The following WDFY2 variants were observed in gnomAD, a reference collection of about 807,000 sequenced individuals.
The protein encoded by WDFY2 is WD repeat and FYVE domain-containing protein 2.
Under a neutral mutation model 56.4 loss-of-function variants are expected in WDFY2, and 36 were observed. The observed-to-expected ratio is 0.64, with a 90% CI of 0.49 to 0.84. WDFY2 has a LOEUF of 0.84. WDFY2 is among the 40% of genes least tolerant of loss of function. The pLI, the probability that WDFY2 is intolerant of heterozygous loss-of-function variation, is 0.00. For missense variants in WDFY2, 444 were observed against 512.2 expected, an observed-to-expected ratio of 0.87 and a Z score of 1.29; for synonymous variants, 176 against 183.7, an observed-to-expected ratio of 0.96 and a Z score of 0.34.
chr13:51,659,515 C>G (rs1382307380), intron 1 of WDFY2, among the ~76,000 whole-genome samples: 1 of 152,140 alleles, frequency 6.6e-6, no homozygotes, highest in Non-Finnish European at 1.5e-5. Context: ...ACCTTTCAAC[C>G]TCCTACTTGT....
At chr13:51,641,202 AGCTG>A (rs1955148555) in intron 1 of WDFY2, among the ~76,000 whole-genome samples, 1 of 151,858 alleles carries the variant, frequency 6.6e-6, no homozygotes, top group Non-Finnish European at 1.5e-5. Flanking sequence ...CCTCCCGAGT[AGCTG>A]GGATTATAGG....
intron 6 of WDFY2, among the ~76,000 whole-genome samples, chr13:51,738,213 A>G (rs1239841074): frequency 6.6e-6 from 1 of 152,210 alleles, no homozygotes; most frequent in East Asian, 1.9e-4. Context: ...AAGTGTTTGC[A>G]GGCTTTGTGC....
chr13:51,736,272 T>G (rs1459746169), intron 6 of WDFY2, among the ~76,000 whole-genome samples: 3 of 152,202 alleles, frequency 2.0e-5, no homozygotes. Context: ...ATCATCCCTG[T>G]TTTACAGATG....
At chr13:51,720,960 C>CTG (rs1438112843) in intron 5 of WDFY2, among the ~76,000 whole-genome samples, 4 of 151,268 alleles carry the variant, frequency 2.6e-5, no homozygotes, top group African/African-American at 9.8e-5. Context: ...CTCTCTCTCT[C>CTG]TCTCTCTCTC....
intron 2 of WDFY2, among the ~76,000 whole-genome samples, chr13:51,665,341 G>A (rs1406172966): frequency 6.6e-6 from 1 of 152,154 alleles, no homozygotes; most frequent in Non-Finnish European, 1.5e-5. Context: ...GACCTTGCAT[G>A]AGCTTGTAAA....
At chr13:51,685,726 G>A (rs1593411235) in intron 3 of WDFY2, among the ~76,000 whole-genome samples, 4 of 152,106 alleles carry the variant, frequency 2.6e-5, no homozygotes, top group Admixed American at 2.0e-4. Flanking sequence ...GATCTGTGCA[G>A]TTCAAATCCA....
chr13:51,608,111 C>T (rs767137341), intron 1 of WDFY2, among the ~76,000 whole-genome samples: 96 of 152,338 alleles, frequency 6.3e-4, no homozygotes, highest in Non-Finnish European at 1.1e-3. Flanking sequence ...AGCCCCTTAA[C>T]ACTCACTTTG....
chr13:51,726,322 A>C (rs1952604560), intron 5 of WDFY2, among the ~76,000 whole-genome samples: 1 of 152,190 alleles, frequency 6.6e-6, no homozygotes, highest in Non-Finnish European at 1.5e-5. Flanking sequence ...GTGTGGATGT[A>C]GCATAGTTAA....
chr13:51,700,967 C>CA (rs1470123122), intron 3 of WDFY2, among the ~76,000 whole-genome samples: 1 of 151,194 alleles, frequency 6.6e-6, no homozygotes, highest in Non-Finnish European at 1.5e-5. Flanking sequence ...AGCTCTGTCT[C>CA]AAAAAAAAGA....
intron 7 of WDFY2, among the ~76,000 whole-genome samples, chr13:51,747,044 G>A (rs1479620875): frequency 2.0e-5 from 3 of 152,234 alleles, no homozygotes; most frequent in Admixed American, 2.0e-4. Context: ...CAAAGAGTCT[G>A]TTCTTTGAAA....
In WDFY2 at chr13:51,739,652, C is replaced by T. The variant is rs114200034; in HGVS notation, c.725+477C>T. Among the ~76,000 whole-genome samples the T allele has an allele frequency of 1.2e-3, 189 of 152,310 alleles. 1 individual carries two copies. The highest frequency in any genetic ancestry group is 4.2e-3 in the African/African-American group (175 of 41,578). ...ATTGAGTACTTGCCTTGATTCATGT[C>T]AGGCTCTTTTTCCTTAAAGGATAGA... On this transcript the variant is annotated intron_variant, in intron 7 of 11. Transcript: ENST00000298125.
chr13:51,693,454 C>G (rs1951791005), intron 3 of WDFY2, among the ~76,000 whole-genome samples: 1 of 152,028 alleles, frequency 6.6e-6, no homozygotes, highest in Non-Finnish European at 1.5e-5. Context: ...AGTAGTCATT[C>G]AGGAGCAGGT....
At chr13:51,671,168 A>G (rs1299180224) in intron 2 of WDFY2, among the ~76,000 whole-genome samples, 3 of 152,060 alleles carry the variant, frequency 2.0e-5, no homozygotes, top group Non-Finnish European at 4.4e-5. Flanking sequence ...TTGTGCTGCT[A>G]TAAACATGCG....
At chr13:51,709,572 A>T (rs1390400085) in intron 4 of WDFY2, among the ~76,000 whole-genome samples, 1 of 152,202 alleles carries the variant, frequency 6.6e-6, no homozygotes, top group African/African-American at 2.4e-5. Context: ...AGAAGAATCA[A>T]ATAGATGCAA....
intron 1 of WDFY2, among the ~76,000 whole-genome samples, chr13:51,600,541 T>C (rs1954254436): frequency 6.6e-6 from 1 of 152,188 alleles, no homozygotes; most frequent in Non-Finnish European, 1.5e-5. Flanking sequence ...CATTACAGTC[T>C]AGATAAGCAG....
Position 51,736,405 on chromosome 13 carries a change from A to G in WDFY2, c.599-2644A>G, listed in dbSNP as rs182934611. 2.0e-3 allele frequency among the ~76,000 whole-genome samples: 308 copies of G among 152,270 alleles called. 1 individual carries two copies. Among genetic ancestry groups the G allele is most frequent in the African/African-American group, 5.7e-3 (238 of 41,552 alleles). On this transcript the variant is annotated intron_variant, in intron 6 of 11. Coordinates refer to ENST00000298125, the MANE Select transcript of WDFY2 (RefSeq NM_052950.4). ...CTGTACACTTATAATACCATATCCA[A>G]ACTTTCTCTTCTATCCCCATAAACC...
At chr13:51,718,105 C>G (rs1221598968) in intron 4 of WDFY2, among the ~76,000 whole-genome samples, 1 of 152,198 alleles carries the variant, frequency 6.6e-6, no homozygotes, top group African/African-American at 2.4e-5. Context: ...ATTTGTCCAT[C>G]CATACTGTCT....
At position 51,713,734 on chromosome 13, in the gene WDFY2, C is replaced by A. The variant is rs1027072969; in HGVS notation, c.335-5464C>A. 4.6e-5 allele frequency among the ~76,000 whole-genome samples: 7 copies of A among 151,172 alleles called. No homozygotes were observed. The South Asian group carries it at 1.5e-3, about 32-fold the overall frequency. ...TGGTGGTGTGCGCCTGTAATCCCAG[C>A]TGCTTGGGAGGCTGATGCAAGGGAA... is the stretch of plus-strand genomic sequence containing the variant. On this transcript the variant is annotated intron_variant, in intron 4 of 11. Coordinates refer to ENST00000298125, the MANE Select transcript of WDFY2 (RefSeq NM_052950.4).
At chr13:51,607,784 C>G (rs1303306671) in intron 1 of WDFY2, among the ~76,000 whole-genome samples, 1 of 152,116 alleles carries the variant, frequency 6.6e-6, no homozygotes, top group Non-Finnish European at 1.5e-5. Context: ...GATGAGGCCC[C>G]CCAACATGTC....
Sources: allele counts gnomAD v4.1 joint callset (sites outside exome capture counted in the v4.1 genomes callset), GRCh38; gene constraint gnomAD v4.1.1; transcripts MANE v1.5; gene names NCBI Gene and HGNC (gene_info 2026-07-23, HGNC 2026-07-21).